TLE4: variants seen among roughly 807,000 people sequenced by gnomAD.
The protein encoded by TLE4 is transducin-like enhancer protein 4.
Under a neutral mutation model 92.8 loss-of-function variants are expected in TLE4, and 8 were observed. The ratio of observed to expected loss-of-function variants is 0.09; its 90% CI spans 0.05 to 0.16. The LOEUF is 0.16. Among genes scored for constraint, TLE4 ranks in the 10% least tolerant of loss-of-function variants. The pLI is 1.00. For synonymous variants in TLE4, 371 were observed against 374.1 expected, an observed-to-expected ratio of 0.99 and a Z score of 0.10; for missense variants, 675 against 997.6, an observed-to-expected ratio of 0.68 and a Z score of 4.36.
chr9:79,645,856 G>A (rs1327070440), intron 6 of TLE4, among the ~76,000 whole-genome samples: 4 of 152,162 alleles, frequency 2.6e-5, no homozygotes, highest in Non-Finnish European at 4.4e-5. Flanking sequence ...TGTGGTTTGA[G>A]ATAAGAGAGG....
intron 4 of TLE4, among the ~76,000 whole-genome samples, chr9:79,610,886 T>C (rs891630956): frequency 1.3e-5 from 2 of 152,018 alleles, no homozygotes; most frequent in South Asian, 2.1e-4. Flanking sequence ...AGTTTTCTTA[T>C]GTGCCCACAC....
chr9:79,634,215 CCT>C (rs2055106781), intron 6 of TLE4, among the ~76,000 whole-genome samples: 1 of 152,032 alleles, frequency 6.6e-6, no homozygotes, highest in Admixed American at 6.6e-5. Context: ...CTGAAATGAT[CCT>C]CAAGTTACAT....
intron 8 of TLE4, among the ~76,000 whole-genome samples, chr9:79,679,932 T>G (rs1261623957): frequency 6.6e-6 from 1 of 152,094 alleles, no homozygotes; most frequent in Non-Finnish European, 1.5e-5. Flanking sequence ...GATGTAGATA[T>G]GCGGCATTAT....
chr9:79,598,847 C>A (rs1028877850), intron 4 of TLE4, among the ~76,000 whole-genome samples: 1 of 152,136 alleles, frequency 6.6e-6, no homozygotes, highest in African/African-American at 2.4e-5. Context: ...CTTCCCCCCC[C>A]AGATTATAAA....
intron 8 of TLE4, among the ~76,000 whole-genome samples, chr9:79,683,669 T>C (rs2065204206): frequency 6.6e-6 from 1 of 152,240 alleles, no homozygotes; most frequent in Admixed American, 6.5e-5. Flanking sequence ...TTAATCTCAC[T>C]GATCTTGAAA....
chr9:79,603,947 T>G (rs1279327706), intron 4 of TLE4, among the ~76,000 whole-genome samples: 1 of 152,198 alleles, frequency 6.6e-6, no homozygotes, highest in East Asian at 1.9e-4. Flanking sequence ...AAGTATAGAC[T>G]CTGAGGCCCT....
At chr9:79,594,931 C>T (rs1240043093) in intron 4 of TLE4, among the ~76,000 whole-genome samples, 7 of 152,180 alleles carry the variant, frequency 4.6e-5, no homozygotes, top group East Asian at 1.9e-4. Flanking sequence ...GTACTTTAAC[C>T]ATATCACTTG....
At chr9:79,655,793 C>G (rs942014871) in intron 8 of TLE4, among the ~76,000 whole-genome samples, 2 of 152,108 alleles carry the variant, frequency 1.3e-5, no homozygotes, top group Non-Finnish European at 2.9e-5. Context: ...ATAAACATTC[C>G]CTGCCTTCTT....
At chr9:79,698,038 G>A (rs992886426) in intron 8 of TLE4, among the ~76,000 whole-genome samples, 1 of 152,154 alleles carries the variant, frequency 6.6e-6, no homozygotes, top group Admixed American at 6.5e-5. Context: ...AAAGGGAATA[G>A]CTGTCTATGG....
intron 4 of TLE4, chr9:79,576,914 C>T (rs2037984677): frequency 6.6e-6 from 1 of 151,506 alleles, no homozygotes; most frequent in Non-Finnish European, 1.5e-5. Flanking sequence ...ATTTCCTAGA[C>T]AGAAGAATAA....
chr9:79,707,174 T>C (rs771784412), intron 11 of TLE4: 4 of 1,612,940 alleles, frequency 2.5e-6, no homozygotes, highest in Non-Finnish European at 3.4e-6. Context: ...AGATGAACAA[T>C]GCACATTGGG....
intron 6 of TLE4, among the ~76,000 whole-genome samples, chr9:79,652,148 A>G (rs930795274): frequency 6.6e-6 from 1 of 151,990 alleles, no homozygotes; most frequent in Non-Finnish European, 1.5e-5. Context: ...AAAAATATAT[A>G]TATGTTAATA....
rs1004387450 is a variant in TLE4 at position 79,580,810 on chromosome 9, A to T, written c.252+4633A>T. Among the ~76,000 whole-genome samples, 7 of 152,264 alleles carry T rather than the reference A, an allele frequency of 4.6e-5. No individual in the cohort carries two copies. The East Asian group carries it at 1.3e-3, about 29-fold the overall frequency. ...GGGGTGTTCTAGCTGAAAGTAACTAATAAATGAAGATTTTGCTGACAGAAC... is the reference window on the plus strand; with the variant it reads ...GGGGTGTTCTAGCTGAAAGTAACTATTAAATGAAGATTTTGCTGACAGAAC... On this transcript the variant is annotated intron_variant, in intron 4 of 19. Coordinates refer to ENST00000376552, the MANE Select transcript of TLE4 (RefSeq NM_007005.6).
chr9:79,672,774 A>G (rs967174942), intron 8 of TLE4, among the ~76,000 whole-genome samples: 2 of 152,150 alleles, frequency 1.3e-5, no homozygotes, highest in Non-Finnish European at 2.9e-5. Flanking sequence ...CTTAGCATCA[A>G]TTGTGTTTCT....
At chr9:79,591,147 C>T (rs561453205) in intron 4 of TLE4, among the ~76,000 whole-genome samples, 1 of 152,214 alleles carries the variant, frequency 6.6e-6, no homozygotes, top group African/African-American at 2.4e-5. Flanking sequence ...TTCATTTGGA[C>T]CACTGTAAAA....
rs267602285 is a variant in TLE4, at chr9:79,652,766, G to A, written c.564G>A (p.Lys188=). 1 of 1,614,164 alleles carries A rather than the reference G, an allele frequency of 6.2e-7. No individual in the cohort carries two copies. The highest frequency in any genetic ancestry group is 2.2e-5 in the East Asian group (1 of 44,866). Residue 188 remains lysine, a synonymous_variant, in exon 7 of 20, where the codon AAG becomes AAA. Transcript: ENST00000376552. ...CCCATCTTCCAATTAAAGATGAGAA[G>A]AAGCACCATGACAATGATCACCAAA... ...GQSHLPIKDE[K]KHHDNDHQRD... is the part of the protein sequence containing the mutation.
intron 5 of TLE4, among the ~76,000 whole-genome samples, chr9:79,620,903 G>A (rs1434572634): frequency 1.3e-5 from 2 of 151,994 alleles, no homozygotes; most frequent in Non-Finnish European, 2.9e-5. Flanking sequence ...AGATTGAGGG[G>A]GAGGTGTCAT....
At chr9:79,620,752 A>T (rs2050749874) in intron 5 of TLE4, among the ~76,000 whole-genome samples, 1 of 152,214 alleles carries the variant, frequency 6.6e-6, no homozygotes, top group African/African-American at 2.4e-5. Context: ...TGGGTAATTT[A>T]TAAAGAAAAG....
intron 4 of TLE4, among the ~76,000 whole-genome samples, chr9:79,593,954 TC>T (rs2043304541): frequency 6.6e-6 from 1 of 152,244 alleles, no homozygotes; most frequent in East Asian, 1.9e-4. Flanking sequence ...GCCAGTAACT[TC>T]CTGTGACATT....
Sources: allele counts gnomAD v4.1 joint callset (sites outside exome capture counted in the v4.1 genomes callset), GRCh38; gene constraint gnomAD v4.1.1; transcripts MANE v1.5; gene names NCBI Gene and HGNC (gene_info 2026-07-23, HGNC 2026-07-21).